NAV1: variants seen among roughly 807,000 people sequenced by gnomAD.
NAV1 encodes the protein pore membrane and/or filament interacting like protein 3.
Under a neutral mutation model 175.2 loss-of-function variants are expected in NAV1, and 18 were observed. The observed-to-expected ratio is 0.10, with a 90% CI of 0.07 to 0.15. The LOEUF (loss-of-function observed/expected upper bound fraction) is 0.15, where lower values mean the gene tolerates loss of function less well. Among genes scored for constraint, NAV1 ranks in the 10% least tolerant of loss-of-function variants. The pLI is 1.00. For missense variants in NAV1, 1,731 were observed against 2,436.6 expected (o/e 0.71, Z 6.10); for synonymous variants, 897 against 978.7 (o/e 0.92, Z 1.56).
rs1005469891 is a variant in NAV1 at position 201,807,796 on chromosome 1, C to T, written c.3649-157C>T. On this transcript the variant is annotated intron_variant, in intron 17 of 29. Coordinates refer to ENST00000367296, the Ensembl canonical transcript of NAV1. This position sits in a 1 kb window ranked among gnomAD's most constrained non-coding sequence, Gnocchi z 5.4. ...CTAATTTCTAGGCAACTCTTCTGTCCGTATTCTATGAATCAAGTGAAGTGT... is the reference window on the plus strand; with the variant it reads ...CTAATTTCTAGGCAACTCTTCTGTCTGTATTCTATGAATCAAGTGAAGTGT... Among the ~76,000 whole-genome samples the T allele has an allele frequency of 1.4e-4, 21 of 152,098 alleles. No individual in the cohort carries two copies. The highest frequency in any genetic ancestry group is 4.6e-4 in the African/African-American group (19 of 41,412).
chr1:201,612,420 C>T (rs969398251), intron 2 of NAV1, among the ~76,000 whole-genome samples: 2 of 152,194 alleles, frequency 1.3e-5, no homozygotes, highest in Non-Finnish European at 2.9e-5. Flanking sequence ...CGCCACTGCA[C>T]TCCAGCCTGG....
intron 1 of NAV1, among the ~76,000 whole-genome samples, chr1:201,676,545 C>T (rs1297978784): frequency 6.6e-6 from 1 of 151,112 alleles, no homozygotes; most frequent in African/African-American, 2.5e-5. Flanking sequence ...AGGGAAGCGG[C>T]TGGGGAGAGC....
exon 1 of NAV1, chr1:201,648,613 C>A: frequency 7.8e-7 from 1 of 1,286,662 alleles, no homozygotes; most frequent in Non-Finnish European, 9.8e-7. Context: ...CGCCCCCTGC[C>A]CCCTCCCCCC....
chr1:201,766,337 T>C (rs1448348329), intron 3 of NAV1, among the ~76,000 whole-genome samples: 1 of 152,176 alleles, frequency 6.6e-6, no homozygotes, highest in East Asian at 1.9e-4. Flanking sequence ...AGACATGTAA[T>C]GAAGCAGACA....
intron 1 of NAV1, among the ~76,000 whole-genome samples, chr1:201,669,531 G>A (rs1261407771): frequency 5.3e-5 from 8 of 152,210 alleles, no homozygotes; most frequent in Admixed American, 3.3e-4. Flanking sequence ...TGTAGATGAG[G>A]GTCAGGATTG....
In NAV1 at chr1:201,812,184, C is replaced by A. The variant is rs1678731752; in HGVS notation, c.5024+210C>A. Among the ~76,000 whole-genome samples, 1 of 152,202 alleles carries A rather than the reference C, an allele frequency of 6.6e-6. No individual in the cohort carries two copies. The highest frequency in any genetic ancestry group is 1.5e-5 in the Non-Finnish European group (1 of 68,042). ...AAAGGCCTGCTAAGCTAAGAGAGAG[C>A]CAGGTAGGTTGCTCTAAGCAGAATT... On this transcript the variant is annotated intron_variant, in intron 26 of 29. Transcript: ENST00000367296. The surrounding 1 kb of genome is among the most constrained non-coding windows in gnomAD (Gnocchi z 4.6).
chr1:201,715,220 G>T (rs1571902630), intron 2 of NAV1, among the ~76,000 whole-genome samples: 1 of 146,320 alleles, frequency 6.8e-6, no homozygotes. Flanking sequence ...GGAGTGCCTT[G>T]GCATGATCTC....
intron 3 of NAV1, among the ~76,000 whole-genome samples, chr1:201,763,303 A>G (rs1479215897): frequency 6.6e-6 from 1 of 152,258 alleles, no homozygotes; most frequent in Non-Finnish European, 1.5e-5. Context: ...ATAGAAGTAC[A>G]TACTCAGTAC....
chr1:201,587,920 T>A (rs1667080893), intron 1 of NAV1, among the ~76,000 whole-genome samples: 1 of 152,138 alleles, frequency 6.6e-6, no homozygotes, highest in Admixed American at 6.6e-5. Flanking sequence ...GTAACAAGTG[T>A]TGACAAGGAT....
At chr1:201,696,773 C>T (rs1232740997) in intron 1 of NAV1, among the ~76,000 whole-genome samples, 1 of 152,192 alleles carries the variant, frequency 6.6e-6, no homozygotes, top group Non-Finnish European at 1.5e-5. Context: ...GATCCCTACC[C>T]TACAAGCCGT....
chr1:201,577,766 A>T (rs1298506892), intron 1 of NAV1, among the ~76,000 whole-genome samples: 1 of 152,140 alleles, frequency 6.6e-6, no homozygotes, highest in Non-Finnish European at 1.5e-5. Flanking sequence ...TACTGGGTAT[A>T]GGATTATGAG....
At chr1:201,657,051 C>T (rs964737279) in intron 1 of NAV1, among the ~76,000 whole-genome samples, 1 of 152,178 alleles carries the variant, frequency 6.6e-6, no homozygotes, top group African/African-American at 2.4e-5. Flanking sequence ...TCCAACATCC[C>T]CAGACTGAGG....
chr1:201,740,405 C>T lies in NAV1; in HGVS notation c.1226+21650C>T, dbSNP rs1422202758. Among the ~76,000 whole-genome samples the T allele has an allele frequency of 1.3e-5, 2 of 152,282 alleles. No homozygotes were observed. Among genetic ancestry groups the T allele is most frequent in the African/African-American group, 2.4e-5 (1 of 41,548 alleles). On this transcript the variant is annotated intron_variant, in intron 3 of 29. Coordinates refer to ENST00000367296, the Ensembl canonical transcript of NAV1. The surrounding 1 kb of genome is among the most constrained non-coding windows in gnomAD (Gnocchi z 4.7). ...GACCTGGACGGAGCTGAGACAATAG[C>T]GCAACTTGATTGAACTTCGATGGTT...
At chr1:201,571,048 A>G (rs1666528085) in intron 1 of NAV1, among the ~76,000 whole-genome samples, 1 of 152,244 alleles carries the variant, frequency 6.6e-6, no homozygotes, top group Admixed American at 6.5e-5. Context: ...GTCCCTGCCA[A>G]GGGCTGTATC....
Position 201,787,330 on chromosome 1 carries a change from C to G in NAV1, c.2995+753C>G, listed in dbSNP as rs145164984. ...GCTTGCTGCATCTCTTTAAATCCAT[C>G]TCTTCTTTCAGCTGAGTAAAAGAAA... On this transcript the variant is annotated intron_variant, in intron 9 of 29. Coordinates refer to ENST00000367296, the Ensembl canonical transcript of NAV1. This position sits in a 1 kb window ranked among gnomAD's most constrained non-coding sequence, Gnocchi z 4.3. 6.2e-4 allele frequency among the ~76,000 whole-genome samples: 94 copies of G among 152,320 alleles called. No individual in the cohort carries two copies. Among genetic ancestry groups the G allele is most frequent in the African/African-American group, 2.2e-3 (91 of 41,574 alleles).
chr1:201,595,128 C>T (rs1335754367), intron 2 of NAV1, among the ~76,000 whole-genome samples: 1 of 152,190 alleles, frequency 6.6e-6, no homozygotes, highest in African/African-American at 2.4e-5. Flanking sequence ...CTGAGGCACT[C>T]CCACCACCAG....
At position 201,810,716 on chromosome 1, in the gene NAV1, G is replaced by A. The variant is rs1410497382; in HGVS notation, c.4755G>A (p.Glu1585=). The change falls in exon 24 of 30, where the codon GAG becomes GAA. Residue 1585 remains glutamate (E), a synonymous_variant. Coordinates refer to ENST00000367296, the Ensembl canonical transcript of NAV1. This position sits in a 1 kb window ranked among gnomAD's most constrained non-coding sequence, Gnocchi z 6.0. ...AGCGCTCTGGCCGTGAGGTCACAGAGGGCATCGTCAGCACCTTCAACATGC... is the reference window on the plus strand; with the variant it reads ...AGCGCTCTGGCCGTGAGGTCACAGAAGGCATCGTCAGCACCTTCAACATGC... 1 of 1,613,954 alleles carries A rather than the reference G, an allele frequency of 6.2e-7. No homozygotes were observed. The highest frequency in any genetic ancestry group is 1.3e-5 in the African/African-American group (1 of 74,874).
chr1:201,557,538 C>T (rs73082526), intron 1 of NAV1, among the ~76,000 whole-genome samples: 3,503 of 152,230 alleles, frequency 0.023, 138 homozygotes, highest in African/African-American at 0.078. Flanking sequence ...AGTCAGAAAC[C>T]ACCCAGCCTC....
At chr1:201,641,631 G>T (rs1668754953) in intron 2 of NAV1, among the ~76,000 whole-genome samples, 1 of 152,216 alleles carries the variant, frequency 6.6e-6, no homozygotes, top group Non-Finnish European at 1.5e-5. Flanking sequence ...GGCAGGTGAT[G>T]AGGAGACCTT....
Sources: gnomAD v4.1 joint callset for allele counts (sites outside exome capture counted in the v4.1 genomes callset) on GRCh38, gnomAD v4.1.1 for gene constraint, Gnocchi (gnomAD v3.1) non-coding constraint, MANE v1.5 for transcripts, NCBI Gene and HGNC (gene_info 2026-07-23, HGNC 2026-07-21) for gene names.